The following ARHGAP25 variants were observed in gnomAD, a reference collection of about 807,000 sequenced individuals.
The protein encoded by ARHGAP25 is Rho GTPase activating protein 25.
ARHGAP25 carries 34 observed loss-of-function variants against 71.0 expected under a neutral mutation model. The observed-to-expected ratio is 0.48, with a 90% CI of 0.36 to 0.64. The LOEUF (loss-of-function observed/expected upper bound fraction) is 0.64. Among genes scored for constraint, ARHGAP25 ranks in the 30% least tolerant of loss-of-function variants. The pLI, the probability that ARHGAP25 is intolerant of heterozygous loss-of-function variation, is 0.00. For missense variants in ARHGAP25, 706 were observed against 805.1 expected (o/e 0.88, Z 1.49); for synonymous variants, 282 against 296.5 (o/e 0.95, Z 0.50).
intron 3 of ARHGAP25, 114 bp downstream of exon 3, chr2:68,782,434 C>A: frequency 1.1e-6 from 1 of 899,332 alleles, no homozygotes; most frequent in Non-Finnish European, 1.8e-6. Flanking sequence ...ACTAACCAAC[C>A]AGCCTATTGA....
At chr2:68,800,376 G>T (rs1679879181) in intron 4 of ARHGAP25, among the ~76,000 whole-genome samples, 1 of 151,912 alleles carries the variant, frequency 6.6e-6, no homozygotes. Flanking sequence ...GAGTTTTCCA[G>T]CAAATCTAAG....
intron 4 of ARHGAP25, among the ~76,000 whole-genome samples, chr2:68,793,530 G>T (rs189589354): frequency 8.2e-4 from 125 of 152,166 alleles, no homozygotes; most frequent in African/African-American, 2.9e-3. Context: ...ATTGAAAAGG[G>T]TGTCTTTTCT....
rs568662412 is a variant in ARHGAP25, at chr2:68,826,269, G to A, written c.*75G>A. On this transcript the variant is annotated 3_prime_UTR_variant, in exon 11 of 11. Transcript: ENST00000409202. ...CCCTTTCTCAGTGCTATCTGATGAC[G>A]GGGAAACAAAATTATTCTCTGAGAG... 34 of 1,358,466 alleles carry A rather than the reference G, an allele frequency of 2.5e-5. No individual in the cohort carries two copies. Among genetic ancestry groups the A allele is most frequent in the South Asian group, 5.9e-5 (5 of 85,024 alleles). 84.2% of individuals were successfully genotyped at this position (1,358,466 alleles called of 1,614,324 possible). A position where few individuals can be genotyped will look rare whatever the true frequency, so the allele number is the denominator to read the frequency against.
intron 1 of ARHGAP25, among the ~76,000 whole-genome samples, chr2:68,745,111 C>A (rs944402510): frequency 6.6e-6 from 1 of 152,188 alleles, no homozygotes; most frequent in African/African-American, 2.4e-5. Flanking sequence ...CCAGCTCAAC[C>A]TTTTCTCACT....
At chr2:68,756,336 A>T (rs10202051) in intron 1 of ARHGAP25, among the ~76,000 whole-genome samples, 125,027 of 152,204 alleles carry the variant, frequency 0.82, 51,524 homozygotes, top group Non-Finnish European at 0.84. Context: ...CTGCCTCTGA[A>T]CACAAAGGTA....
chr2:68,741,203 C>T (rs1675502314), intron 1 of ARHGAP25, among the ~76,000 whole-genome samples: 1 of 152,156 alleles, frequency 6.6e-6, no homozygotes, highest in Non-Finnish European at 1.5e-5. Context: ...GTTATATCTT[C>T]AGTTTATAGC....
chr2:68,812,029 T>G (rs977035443), intron 5 of ARHGAP25, among the ~76,000 whole-genome samples: 3 of 152,226 alleles, frequency 2.0e-5, no homozygotes, highest in African/African-American at 7.2e-5. Flanking sequence ...TATTTTCCCT[T>G]GTAGTGTTGC....
chr2:68,802,127 A>G (rs1680008802), intron 4 of ARHGAP25, among the ~76,000 whole-genome samples: 1 of 152,134 alleles, frequency 6.6e-6, no homozygotes, highest in Admixed American at 6.5e-5. Context: ...GTACCAACCT[A>G]GGCCGGGCGC....
At chr2:68,800,475 G>A (rs1679885840) in intron 4 of ARHGAP25, among the ~76,000 whole-genome samples, 1 of 152,122 alleles carries the variant, frequency 6.6e-6, no homozygotes, top group Non-Finnish European at 1.5e-5. Flanking sequence ...CCCTTCTGTG[G>A]TTGTTCAGGA....
intron 1 of ARHGAP25, among the ~76,000 whole-genome samples, chr2:68,736,915 C>T (rs1296610208): frequency 6.6e-6 from 1 of 152,026 alleles, no homozygotes. Flanking sequence ...GTTCACTAGC[C>T]CCAGCAGACA....
In ARHGAP25 at chr2:68,811,234, G is replaced by T. The variant is rs1251406368; in HGVS notation, c.675-2053G>T. ...GGATCAGTGTGACTTTAGGATAATA[G>T]AATTGAAGGGATTTGGAAGACTGAT... On this transcript the variant is annotated intron_variant, in intron 5 of 10. Transcript: ENST00000409202. Among the ~76,000 whole-genome samples the T allele has an allele frequency of 2.6e-5, 4 of 152,210 alleles. No homozygotes were observed. In the South Asian group the frequency reaches 8.3e-4, roughly 32 times the overall value.
Position 68,734,966 on chromosome 2 carries a change from A to G in ARHGAP25, c.-234A>G, listed in dbSNP as rs982501806. On this transcript the variant is annotated 5_prime_UTR_variant, in exon 1 of 11. Transcript: ENST00000409202. Reference sequence around the variant, plus strand: ...CTAGCCCCTGTGGGACTGAGGGTGGAGGCTGGGGGAGTTTGGGTGCCATCC... The same window carrying G: ...CTAGCCCCTGTGGGACTGAGGGTGGGGGCTGGGGGAGTTTGGGTGCCATCC... 5.1e-6 allele frequency: 3 copies of G among 587,780 alleles called. No homozygotes were observed. The African/African-American group carries it at 5.6e-5, about 11-fold the overall frequency. The allele number at this position is 587,780 out of a possible 1,614,324, so 36.4% of individuals were successfully genotyped here.
At chr2:68,814,634 A>T (rs1419619549) in intron 6 of ARHGAP25, among the ~76,000 whole-genome samples, 1 of 152,206 alleles carries the variant, frequency 6.6e-6, no homozygotes, top group Non-Finnish European at 1.5e-5. Flanking sequence ...GCTTCATAGA[A>T]TATATTTATT....
At chr2:68,729,006 T>A (rs1483231643) in intron 2 of ARHGAP25, among the ~76,000 whole-genome samples, 1 of 152,208 alleles carries the variant, frequency 6.6e-6, no homozygotes, top group Non-Finnish European at 1.5e-5. Context: ...AAAGACCACA[T>A]ATTACAGTAT....
chr2:68,765,718 G>T (rs890153336), intron 1 of ARHGAP25, among the ~76,000 whole-genome samples: 1 of 152,132 alleles, frequency 6.6e-6, no homozygotes, highest in Non-Finnish European at 1.5e-5. Flanking sequence ...CTTTATCCAT[G>T]ATCAAATTGT....
intron 2 of ARHGAP25, among the ~76,000 whole-genome samples, chr2:68,720,345 A>G (rs1674730937): frequency 6.6e-6 from 1 of 151,320 alleles, no homozygotes. Context: ...AAAAGAAAAG[A>G]AAAGAAAAAA....
At chr2:68,781,318 A>T (rs1046306515) in intron 2 of ARHGAP25, among the ~76,000 whole-genome samples, 1 of 152,224 alleles carries the variant, frequency 6.6e-6, no homozygotes, top group Non-Finnish European at 1.5e-5. Context: ...TGAACCCAGG[A>T]GGCAGAGGTT....
At chr2:68,749,084 A>AC (rs1365780373) in intron 1 of ARHGAP25, among the ~76,000 whole-genome samples, 1 of 152,026 alleles carries the variant, frequency 6.6e-6, no homozygotes, top group Non-Finnish European at 1.5e-5. Flanking sequence ...GGAGAGAGAT[A>AC]CCAGCATACA....
At chr2:68,731,261 T>C (rs1305784985), upstream of ARHGAP25, among the ~76,000 whole-genome samples, 2 of 152,120 alleles carry the variant, frequency 1.3e-5, no homozygotes, top group Non-Finnish European at 1.5e-5. Flanking sequence ...TCACTGTTTT[T>C]GTGCGTGCCC....
Sources: gnomAD v4.1 joint callset for allele counts (sites outside exome capture counted in the v4.1 genomes callset) on GRCh38, gnomAD v4.1.1 for gene constraint, MANE v1.5 for transcripts, NCBI Gene and HGNC (gene_info 2026-07-23, HGNC 2026-07-21) for gene names.